The following COL4A2 variants were observed in gnomAD, a reference collection of about 807,000 sequenced individuals.
COL4A2 encodes collagen alpha-2(IV) chain.
COL4A2 carries 99 observed loss-of-function variants against 200.2 expected under a neutral mutation model. That is an observed-to-expected ratio of 0.49 (90% CI 0.42 to 0.58). COL4A2 has a LOEUF of 0.58. Ranked by LOEUF, COL4A2 falls within the 20% of genes least tolerant of loss-of-function variation. The pLI is 0.00. For synonymous variants in COL4A2, 897 were observed against 900.6 expected (o/e 1.00, Z 0.07); for missense variants, 1,950 against 2,314.1 (o/e 0.84, Z 3.23).
Position 110,307,637 on chromosome 13 carries a change from G to T in COL4A2, c.-45+109G>T, listed in dbSNP as rs901069821. On this transcript the variant is annotated intron_variant, in intron 1 of 47. Coordinates refer to ENST00000360467, the MANE Select transcript of COL4A2 (RefSeq NM_001846.4). This position sits in a 1 kb window ranked among gnomAD's most constrained non-coding sequence, Gnocchi z 5.0. ...TCTCCTGCTTGGGAGTAGAAAGGGG[G>T]AGGGTGGGAGAGCGAAGACCGAGCT... The T allele has an allele frequency of 4.3e-5, 24 of 555,456 alleles. No individual in the cohort carries two copies. Among genetic ancestry groups the T allele is most frequent in the Non-Finnish European group, 7.3e-5 (23 of 315,782 alleles). 34.4% of individuals were successfully genotyped at this position (555,456 alleles called of 1,614,324 possible).
At chr13:110,436,541 C>T (rs571627254) in intron 13 of COL4A2, among the ~76,000 whole-genome samples, 174 bp downstream of exon 13, 3 of 151,640 alleles carry the variant, frequency 2.0e-5, no homozygotes, top group South Asian at 2.1e-4. Flanking sequence ...CTCTTCCAGA[C>T]GGTTACTAGA....
chr13:110,316,857 G>T (rs550003335), intron 3 of COL4A2, among the ~76,000 whole-genome samples: 1 of 151,822 alleles, frequency 6.6e-6, no homozygotes, highest in South Asian at 2.1e-4. Flanking sequence ...ATATATACAC[G>T]TCAAAATACA....
intron 3 of COL4A2, among the ~76,000 whole-genome samples, chr13:110,345,285 A>G (rs557533774): frequency 6.6e-6 from 1 of 152,242 alleles, no homozygotes; most frequent in Non-Finnish European, 1.5e-5. Flanking sequence ...CAATGCATTG[A>G]AAATCCTCAC....
At chr13:110,391,846 G>A (rs1321722554) in intron 4 of COL4A2, among the ~76,000 whole-genome samples, 1 of 152,232 alleles carries the variant, frequency 6.6e-6, no homozygotes, top group Admixed American at 6.5e-5. Flanking sequence ...CGGCTGGCAG[G>A]TGTGGACTGC....
intron 8 of COL4A2, 122 bp from the exon 9 acceptor site, chr13:110,430,279 A>G (rs1880626578): frequency 3.4e-6 from 4 of 1,180,884 alleles, no homozygotes; most frequent in Middle Eastern, 3.0e-4. Context: ...GTAAATTAAC[A>G]TTACTAGGTC....
At chr13:110,314,972 G>A (rs1885093522) in intron 3 of COL4A2, among the ~76,000 whole-genome samples, 2 of 151,972 alleles carry the variant, frequency 1.3e-5, no homozygotes, top group African/African-American at 2.4e-5. Context: ...CTCAGCTTCT[G>A]TGTTAGTTAG....
chr13:110,342,574 C>T (rs1381342724), intron 3 of COL4A2, among the ~76,000 whole-genome samples: 1 of 152,148 alleles, frequency 6.6e-6, no homozygotes, highest in Non-Finnish European at 1.5e-5. Context: ...CACCTCTTCC[C>T]GTGGGTTAAT....
chr13:110,421,976 C>T (rs139215508), intron 4 of COL4A2, among the ~76,000 whole-genome samples: 5 of 152,202 alleles, frequency 3.3e-5, no homozygotes, highest in South Asian at 2.1e-4. Flanking sequence ...TGGTTAGTAG[C>T]AGATGTTCCC....
intron 10 of COL4A2, among the ~76,000 whole-genome samples, chr13:110,431,263 G>A (rs1462586072): frequency 1.3e-5 from 2 of 152,162 alleles, no homozygotes; most frequent in African/African-American, 4.8e-5. Context: ...CTGCAGGTGA[G>A]AGAGATCTTC....
At chr13:110,321,781 G>A (rs909464385) in intron 3 of COL4A2, among the ~76,000 whole-genome samples, 2 of 152,190 alleles carry the variant, frequency 1.3e-5, no homozygotes, top group African/African-American at 2.4e-5. Flanking sequence ...TACATGGATG[G>A]CAGCAGGCAA....
chr13:110,511,397 A>G (rs56255750), intron 47 of COL4A2, among the ~76,000 whole-genome samples: 15,305 of 152,162 alleles, frequency 0.1, 1,064 homozygotes, highest in Middle Eastern at 0.16. Flanking sequence ...AAAAAAATAA[A>G]ACCACTCATC....
chr13:110,490,690 C>G (rs1883258184), intron 36 of COL4A2, among the ~76,000 whole-genome samples: 1 of 152,186 alleles, frequency 6.6e-6, no homozygotes. Context: ...GTGTCTGCCA[C>G]CCTAGGCCAT....
chr13:110,429,757 C>G (rs1880604111), intron 7 of COL4A2, 128 bp from the exon 8 acceptor site: 1 of 814,750 alleles, frequency 1.2e-6, no homozygotes, highest in African/African-American at 1.7e-5. Context: ...TAACCCCCAT[C>G]AGCCATAAGA....
At chr13:110,461,198 T>C (rs1197735779) in intron 22 of COL4A2, among the ~76,000 whole-genome samples, 1 of 152,208 alleles carries the variant, frequency 6.6e-6, no homozygotes, top group Non-Finnish European at 1.5e-5. Flanking sequence ...AGGAAACAAA[T>C]TTCTATTAAA....
rs369814664 is a variant in COL4A2 at position 110,482,519 on chromosome 13, A to G, written c.2762A>G (p.Asp921Gly). ...GMPGTPGLKG[D>G]RGSPGMDGFQ... ...ACTTTTCTCTTTTCCTCTGAAGGAG[A>G]TAGAGGCTCACCTGGGATGGATGGT... Residue 921 changes from aspartate (D) to glycine (G), a missense_variant, in exon 32 of 48, where the codon GAT (aspartate) becomes GGT (glycine). By Grantham distance (94) the Asp-to-Gly change is moderately conservative. This residue lies in a region of COL4A2 where 1,385 missense variants were observed against 1,720.5 expected (regional missense o/e 0.80). Transcript: ENST00000360467. 26 of 1,613,984 alleles carry G rather than the reference A, an allele frequency of 1.6e-5. No homozygotes were observed. The highest frequency in any genetic ancestry group is 2.1e-5 in the Non-Finnish European group (25 of 1,179,868).
chr13:110,479,728 C>A (rs1013527578), intron 30 of COL4A2, among the ~76,000 whole-genome samples: 1 of 152,094 alleles, frequency 6.6e-6, no homozygotes, highest in African/African-American at 2.4e-5. Context: ...CAGCTGTGGG[C>A]GGGAGCTGCC....
chr13:110,345,505 G>A (rs144504896), intron 3 of COL4A2, among the ~76,000 whole-genome samples: 1 of 152,054 alleles, frequency 6.6e-6, no homozygotes. Flanking sequence ...CCTTCCCTAT[G>A]GGTACAGTCG....
intron 4 of COL4A2, among the ~76,000 whole-genome samples, chr13:110,393,225 T>C (rs1246618449): frequency 6.6e-6 from 1 of 152,224 alleles, no homozygotes; most frequent in East Asian, 1.9e-4. Context: ...CTTTCTTTTC[T>C]CTAACAAGCT....
intron 3 of COL4A2, among the ~76,000 whole-genome samples, chr13:110,349,927 C>A (rs1876882008): frequency 6.6e-6 from 1 of 152,116 alleles, no homozygotes; most frequent in African/African-American, 2.4e-5. Flanking sequence ...CCATGTCCAG[C>A]TAATTTTTAC....
Sources: allele counts gnomAD v4.1 joint callset (sites outside exome capture counted in the v4.1 genomes callset), GRCh38; gene constraint gnomAD v4.1.1; regional missense constraint gnomAD v4.1.1; non-coding constraint Gnocchi (gnomAD v3.1); transcripts MANE v1.5; gene names NCBI Gene and HGNC (gene_info 2026-07-23, HGNC 2026-07-21).